Variants in TENM1 observed in about 807,000 individuals in gnomAD.
TENM1 encodes the protein teneurin transmembrane protein 1.
In TENM1, 35 loss-of-function variants were observed where a neutral mutation model predicts 174.8. That is an observed-to-expected ratio of 0.20 (90% CI 0.15 to 0.27). The LOEUF is 0.27. Ranked by LOEUF, TENM1 falls within the 10% of genes least tolerant of loss-of-function variation. TENM1 has a pLI of 1.00. For synonymous variants in TENM1, 781 were observed against 798.7 expected, an observed-to-expected ratio of 0.98 and a Z score of 0.37; for missense variants, 1,633 against 2,130.1, an observed-to-expected ratio of 0.77 and a Z score of 4.59.
intron 3 of TENM1, among the ~76,000 whole-genome samples, chrX:124,874,965 T>G (rs2057172893): frequency 9.0e-6 from 1 of 111,703 alleles, no homozygotes; most frequent in Admixed American, 9.6e-5. Flanking sequence ...CTGGCAAATC[T>G]ATCATCATTA....
intron 3 of TENM1, among the ~76,000 whole-genome samples, chrX:124,810,327 T>C (rs2055732595): frequency 9.0e-6 from 1 of 111,429 alleles, no homozygotes; most frequent in Non-Finnish European, 1.9e-5. Flanking sequence ...AGCCACCACC[T>C]AAAAGCTGTT....
chrX:125,040,606 TATG>T, the TENM1 span, among the ~76,000 whole-genome samples: 2 of 111,582 alleles, frequency 1.8e-5, no homozygotes, highest in Admixed American at 1.9e-4. Context: ...TCTCATCAGT[TATG>T]ATATTTTAAA....
intron 22 of TENM1, among the ~76,000 whole-genome samples, chrX:124,463,816 CT>C (rs1325353471): frequency 2.1e-5 from 2 of 97,428 alleles, no homozygotes; most frequent in Non-Finnish European, 4.1e-5. Context: ...ATTTATTTTT[CT>C]TTGCTTTATA....
chrX:125,043,234 A>G, the TENM1 span, among the ~76,000 whole-genome samples: 1 of 84,086 alleles, frequency 1.2e-5, no homozygotes, highest in Non-Finnish European at 2.3e-5. Flanking sequence ...GGCAACCTAC[A>G]ACATGGGAGA....
chrX:124,826,408 C>CA lies in TENM1; in HGVS notation c.535+67887dup, dbSNP rs761123183. On this transcript the variant is annotated intron_variant, in intron 3 of 31. Transcript: ENST00000422452. Reference sequence around the variant, plus strand: ...TGGGTAACAGAGTGAGACCCTGTCTCAAAAAAAAAAAAAAATTATTTAGAG... The same window carrying CA: ...TGGGTAACAGAGTGAGACCCTGTCTCAAAAAAAAAAAAAAAATTATTTAGAG... Among the ~76,000 whole-genome samples the CA allele has an allele frequency of 9.8e-3, 722 of 73,537 alleles. 5 individuals carry two copies. Among genetic ancestry groups the CA allele is most frequent in the African/African-American group, 0.023 (447 of 19,866 alleles). 63.9% of individuals were successfully genotyped at this position (73,537 alleles called of 115,157 possible).
chrX:124,397,824 AC>A (rs1169928350), intron 27 of TENM1, among the ~76,000 whole-genome samples: 3 of 108,010 alleles, frequency 2.8e-5, no homozygotes, highest in African/African-American at 1.0e-4. Context: ...TCTTGAAGTG[AC>A]CCAGTGATCC....
chrX:124,679,415 C>A (rs1453128990), intron 5 of TENM1, among the ~76,000 whole-genome samples: 1 of 111,406 alleles, frequency 9.0e-6, no homozygotes, highest in Non-Finnish European at 1.9e-5. Flanking sequence ...ATGGTGACCC[C>A]TGATGACTTC....
intron 4 of TENM1, among the ~76,000 whole-genome samples, 183 bp from the exon 8 acceptor site, chrX:124,705,434 C>A: frequency 8.9e-6 from 1 of 111,744 alleles, no homozygotes; most frequent in East Asian, 2.8e-4. Context: ...TCTCTCTTTT[C>A]TTTGTCTTTT....
intron 3 of TENM1, among the ~76,000 whole-genome samples, chrX:124,740,323 A>T (rs990034437): frequency 1.8e-5 from 2 of 111,941 alleles, no homozygotes; most frequent in Non-Finnish European, 3.8e-5. Flanking sequence ...AAAGAAAAAG[A>T]ATATCTCATT....
chrX:124,614,244 G>A (rs183262782), intron 11 of TENM1, among the ~76,000 whole-genome samples: 226 of 111,577 alleles, frequency 2.0e-3, no homozygotes, highest in African/African-American at 6.9e-3. Flanking sequence ...TTCCACAAAC[G>A]TTAAGGATGG....
chrX:125,041,138 C>T, the TENM1 span, among the ~76,000 whole-genome samples: 1 of 111,719 alleles, frequency 9.0e-6, no homozygotes, highest in Non-Finnish European at 1.9e-5. Flanking sequence ...TCACTTTTCC[C>T]TCTTCCCATT....
chrX:125,175,718 G>T, the TENM1 span, among the ~76,000 whole-genome samples: 8 of 110,564 alleles, frequency 7.2e-5, no homozygotes, highest in Non-Finnish European at 1.3e-4. Context: ...GCAGAAAAAG[G>T]AAACAGGAAA....
intron 3 of TENM1, among the ~76,000 whole-genome samples, chrX:124,874,398 T>C (rs1468202906): frequency 3.6e-5 from 4 of 110,854 alleles, no homozygotes; most frequent in African/African-American, 1.3e-4. Flanking sequence ...CCATTCTCAT[T>C]TCCTTTACTA....
chrX:124,946,927 G>GA (rs377225365), intron 1 of TENM1, among the ~76,000 whole-genome samples: 10,562 of 77,787 alleles, frequency 0.14, 976 homozygotes, highest in African/African-American at 0.31. Context: ...CTGTAAAACT[G>GA]AAAAAAAAAA....
At chrX:125,177,193 T>G in the TENM1 span, among the ~76,000 whole-genome samples, 1 of 112,167 alleles carries the variant, frequency 8.9e-6, no homozygotes, top group Non-Finnish European at 1.9e-5. Context: ...ACAAAACCAG[T>G]GATCTATTAC....
At chrX:124,380,631 C>T (rs762605775) in exon 32 of TENM1, 3 of 1,211,206 alleles carry the variant, frequency 2.5e-6, no homozygotes, top group African/African-American at 3.5e-5. Flanking sequence ...ACAAAATACC[C>T]ATCGTAACCT....
At chrX:124,420,778 G>T in exon 25 of TENM1, 2 of 1,209,884 alleles carry the variant, frequency 1.7e-6, no homozygotes, top group African/African-American at 3.5e-5. Context: ...CTGCTAAGGA[G>T]GAAGGGGCTT....
chrX:124,583,424 A>G (rs1460144552), intron 11 of TENM1, among the ~76,000 whole-genome samples: 1 of 112,157 alleles, frequency 8.9e-6, no homozygotes, highest in African/African-American at 3.2e-5. Flanking sequence ...CCAGGCAAAC[A>G]GGGTCTGGAG....
chrX:124,586,894 A>C (rs1287811479), intron 11 of TENM1, among the ~76,000 whole-genome samples: 1 of 109,665 alleles, frequency 9.1e-6, no homozygotes, highest in African/African-American at 3.4e-5. Context: ...TACACCAATA[A>C]CAGACAAACA....
Sources: allele counts gnomAD v4.1 joint callset (sites outside exome capture counted in the v4.1 genomes callset), GRCh38; gene constraint gnomAD v4.1.1; transcripts MANE v1.5; gene names NCBI Gene and HGNC (gene_info 2026-07-23, HGNC 2026-07-21).